Variants in VAV2 observed in about 807,000 individuals in gnomAD.
VAV2 encodes guanine nucleotide exchange factor VAV2.
In VAV2, 67 loss-of-function variants were observed where a neutral mutation model predicts 132.5. That is an observed-to-expected ratio of 0.51 (90% CI 0.42 to 0.62). VAV2 has a LOEUF of 0.62. Among genes scored for constraint, VAV2 ranks in the 20% least tolerant of loss-of-function variants. The pLI, the probability that VAV2 is intolerant of heterozygous loss-of-function variation, is 0.00. For missense variants in VAV2, 938 were observed against 1,153.6 expected (o/e 0.81, Z 2.71); for synonymous variants, 492 against 443.5 (o/e 1.11, Z -1.37).
chr9:133,990,102 G>A (rs1188609143), intron 1 of VAV2, among the ~76,000 whole-genome samples: 3 of 152,178 alleles, frequency 2.0e-5, no homozygotes, highest in Non-Finnish European at 4.4e-5. Flanking sequence ...AGGCTCTGGA[G>A]GTCGTTGCCT....
In VAV2 at chr9:133,912,973, G is replaced by T. The variant is rs146520584; in HGVS notation, c.321+26130C>A. On this transcript the variant is annotated intron_variant, in intron 2 of 29. Transcript: ENST00000371850. This position sits in a 1 kb window ranked among gnomAD's most constrained non-coding sequence, Gnocchi z 4.3. The stretch of plus-strand genomic sequence containing the variant: ...GGGCGGTGGAGTGCCATTTGGAACC[G>T]GGTTTGGGAGGCAGGCACTGTCCTC... 6.6e-6 allele frequency among the ~76,000 whole-genome samples: 1 copy of T among 152,120 alleles called. No homozygotes were observed. Among genetic ancestry groups the T allele is most frequent in the Admixed American group, 6.5e-5 (1 of 15,274 alleles).
At chr9:133,963,670 T>C (rs1156857542) in intron 1 of VAV2, among the ~76,000 whole-genome samples, 1 of 152,204 alleles carries the variant, frequency 6.6e-6, no homozygotes, top group Non-Finnish European at 1.5e-5. Context: ...CGCCACGTTG[T>C]ATCACATCCA....
In VAV2 at chr9:133,885,029, T is replaced by G. The variant is rs1564434749; in HGVS notation, c.322-23597A>C. ...GCCAAAGGCTCCACTTCCAGGCCGA[T>G]GACACCATCTGAGCCAGCCACAGTG... On this transcript the variant is annotated intron_variant, in intron 2 of 29. Transcript: ENST00000371850. The surrounding 1 kb of genome is among the most constrained non-coding windows in gnomAD (Gnocchi z 5.0). Among the ~76,000 whole-genome samples, 1 of 152,230 alleles carries G rather than the reference T, an allele frequency of 6.6e-6. No homozygotes were observed. The highest frequency in any genetic ancestry group is 1.5e-5 in the Non-Finnish European group (1 of 68,042).
chr9:133,873,097 AGG>A (rs1838124388), intron 2 of VAV2, among the ~76,000 whole-genome samples: 1 of 5,026 alleles, frequency 2.0e-4, no homozygotes, highest in Admixed American at 2.5e-3. Flanking sequence ...TGGGCGACAG[AGG>A]GAGGGGGCGG....
At chr9:133,916,177 G>A (rs1244153017) in intron 2 of VAV2, among the ~76,000 whole-genome samples, 3 of 152,192 alleles carry the variant, frequency 2.0e-5, no homozygotes, top group Non-Finnish European at 4.4e-5. Flanking sequence ...GAGGGGCTTT[G>A]CTCAAACACG....
intron 2 of VAV2, among the ~76,000 whole-genome samples, chr9:133,938,218 T>C (rs1056986544): frequency 2.6e-5 from 4 of 152,180 alleles, no homozygotes; most frequent in Admixed American, 1.3e-4. Context: ...CTCCCGGTGG[T>C]CCAGGAAGCA....
chr9:133,977,971 GTA>G (rs1842568600), intron 1 of VAV2, among the ~76,000 whole-genome samples: 1 of 103,452 alleles, frequency 9.7e-6, no homozygotes, highest in South Asian at 2.5e-4. Flanking sequence ...TGTCCTACGT[GTA>G]TGCGTCCACC....
chr9:133,851,930 T>A (rs1036573452), intron 3 of VAV2, among the ~76,000 whole-genome samples: 1 of 150,100 alleles, frequency 6.7e-6, no homozygotes, highest in Non-Finnish European at 1.5e-5. Flanking sequence ...GATGGATGGA[T>A]GGATGGATGG....
intron 3 of VAV2, among the ~76,000 whole-genome samples, chr9:133,860,021 G>T (rs1006825130): frequency 1.3e-5 from 2 of 152,168 alleles, no homozygotes; most frequent in African/African-American, 4.8e-5. Flanking sequence ...GTCTATCCAT[G>T]GCCGGGCGAG....
chr9:133,894,511 G>A (rs1013727134), intron 2 of VAV2, among the ~76,000 whole-genome samples: 5 of 152,180 alleles, frequency 3.3e-5, no homozygotes, highest in Admixed American at 2.0e-4. Context: ...AAACCCCAGA[G>A]CTCCCCGGGT....
intron 2 of VAV2, among the ~76,000 whole-genome samples, chr9:133,894,481 C>A (rs1191608764): frequency 6.6e-6 from 1 of 152,216 alleles, no homozygotes; most frequent in African/African-American, 2.4e-5. Context: ...GCCCTCTGAG[C>A]CCAAAGGAGA....
chr9:133,766,761 T>TAA (rs1280319973), intron 29 of VAV2, among the ~76,000 whole-genome samples: 175 of 116,398 alleles, frequency 1.5e-3, no homozygotes, highest in South Asian at 8.3e-3. Flanking sequence ...TATAAATAAA[T>TAA]ATATATATAT....
rs1476323139 is a variant in VAV2 at position 133,991,103 on chromosome 9, C to A, written c.204+972G>T. ...AATGGTCCCTCTCCACATGGAGTTG[C>A]CACTGCGCGCGGTGAGGGGCTGCTG... On this transcript the variant is annotated intron_variant, in intron 1 of 29. Coordinates refer to ENST00000371850, the MANE Select transcript of VAV2 (RefSeq NM_001134398.2). The surrounding 1 kb of genome is among the most constrained non-coding windows in gnomAD (Gnocchi z 4.8). Among the ~76,000 whole-genome samples, 1 of 152,140 alleles carries A rather than the reference C, an allele frequency of 6.6e-6. No homozygotes were observed. Among genetic ancestry groups the A allele is most frequent in the East Asian group, 1.9e-4 (1 of 5,182 alleles).
chr9:133,799,277 C>T (rs1834839661), intron 9 of VAV2, among the ~76,000 whole-genome samples: 3 of 152,228 alleles, frequency 2.0e-5, no homozygotes, highest in African/African-American at 7.2e-5. Flanking sequence ...AACAAATGCT[C>T]ATGAGGCTGT....
At chr9:133,835,033 C>T (rs1836412693) in intron 3 of VAV2, among the ~76,000 whole-genome samples, 2 of 152,136 alleles carry the variant, frequency 1.3e-5, no homozygotes. Flanking sequence ...TGGTGCCTTT[C>T]TGCAGTTCAC....
At chr9:133,839,496 G>T (rs1450752621) in intron 3 of VAV2, among the ~76,000 whole-genome samples, 1 of 151,618 alleles carries the variant, frequency 6.6e-6, no homozygotes, top group African/African-American at 2.4e-5. Context: ...TGTCACCCGG[G>T]CTGGAGTGCA....
At chr9:133,770,336 C>T in intron 27 of VAV2, 42 bp downstream of exon 27, 3 of 1,612,010 alleles carry the variant, frequency 1.9e-6, no homozygotes, top group Non-Finnish European at 1.7e-6. Context: ...AGGGCAGACC[C>T]CTCCGAGGAG....
At chr9:133,941,087 G>A (rs1168637061) in intron 1 of VAV2, among the ~76,000 whole-genome samples, 2 of 152,062 alleles carry the variant, frequency 1.3e-5, no homozygotes, top group Non-Finnish European at 2.9e-5. Context: ...GCAGCCACTA[G>A]ACACCTGTGC....
chr9:133,984,956 T>C (rs10993883), intron 1 of VAV2, among the ~76,000 whole-genome samples: 8,009 of 151,596 alleles, frequency 0.053, 540 homozygotes, highest in African/African-American at 0.16. Context: ...TTATAATCAG[T>C]GCTACCTATT....
Sources: allele counts gnomAD v4.1 joint callset (sites outside exome capture counted in the v4.1 genomes callset), GRCh38; gene constraint gnomAD v4.1.1; non-coding constraint Gnocchi (gnomAD v3.1); transcripts MANE v1.5; gene names NCBI Gene and HGNC (gene_info 2026-07-23, HGNC 2026-07-21).